The following RNF216 variants were observed in gnomAD, a reference collection of about 807,000 sequenced individuals.
RNF216 encodes the protein ring finger protein 216.
RNF216 carries 72 observed loss-of-function variants against 110.8 expected under a neutral mutation model. The observed-to-expected ratio is 0.65, with a 90% CI of 0.54 to 0.79. The LOEUF (loss-of-function observed/expected upper bound fraction) is 0.79. RNF216 is among the 30% of genes least tolerant of loss of function. RNF216 has a pLI of 0.00. For missense variants in RNF216, 1,342 were observed against 1,141.2 expected (o/e 1.18, Z -2.54); for synonymous variants, 495 against 407.5 (o/e 1.21, Z -2.59).
intron 13 of RNF216, among the ~76,000 whole-genome samples, chr7:5,669,929 T>TC (rs1477874188): frequency 6.6e-6 from 1 of 150,814 alleles, no homozygotes; most frequent in African/African-American, 2.4e-5. Context: ...CGTTTGGAAA[T>TC]CCTTTTTTTT....
At chr7:5,728,180 T>C (rs1260492764) in intron 7 of RNF216, among the ~76,000 whole-genome samples, 3 of 152,114 alleles carry the variant, frequency 2.0e-5, no homozygotes, top group Admixed American at 6.5e-5. Context: ...CCTATGTGGG[T>C]CTGTGATTAA....
chr7:5,724,440 T>A (rs1793628998), intron 8 of RNF216, among the ~76,000 whole-genome samples: 1 of 152,206 alleles, frequency 6.6e-6, no homozygotes, highest in South Asian at 2.1e-4. Flanking sequence ...ACTGTATGGC[T>A]ATGTACAAGG....
rs1345049320 is a variant in RNF216 at position 5,680,292 on chromosome 7, T to G, written c.2062-27782A>C. 6.6e-6 allele frequency: 1 copy of G among 152,286 alleles called. No homozygotes were observed. The highest frequency in any genetic ancestry group is 1.9e-4 in the East Asian group (1 of 5,196). The allele number at this position is 152,286 out of a possible 1,614,324, so 9.4% of individuals were successfully genotyped here. Reference sequence around the variant, plus strand: ...GAAGTGGTTCCTTTGTCCCCCGCCCTGCCCCCAGCTAGCTCTGTCATCATA... The same window carrying G: ...GAAGTGGTTCCTTTGTCCCCCGCCCGGCCCCCAGCTAGCTCTGTCATCATA... On this transcript the variant is annotated intron_variant, in intron 13 of 16. Transcript: ENST00000389902. This position sits in a 1 kb window ranked among gnomAD's most constrained non-coding sequence, Gnocchi z 4.3.
chr7:5,673,204 C>T (rs1562812456), intron 13 of RNF216, among the ~76,000 whole-genome samples: 1 of 152,174 alleles, frequency 6.6e-6, no homozygotes, highest in Non-Finnish European at 1.5e-5. Flanking sequence ...CGGGGGAAGT[C>T]AGTGGTTATT....
chr7:5,747,018 C>T (rs1795062575), intron 3 of RNF216, among the ~76,000 whole-genome samples: 2 of 152,200 alleles, frequency 1.3e-5, no homozygotes, highest in South Asian at 4.1e-4. Flanking sequence ...ACCTCCCACA[C>T]CAAAGACAGA....
chr7:5,708,427 G>C (rs1792440539), intron 13 of RNF216, among the ~76,000 whole-genome samples: 1 of 152,112 alleles, frequency 6.6e-6, no homozygotes, highest in African/African-American at 2.4e-5. Flanking sequence ...TATACAGATG[G>C]TCTCCAACTT....
chr7:5,623,568 G>A (rs1786523933), intron 16 of RNF216, among the ~76,000 whole-genome samples: 1 of 151,946 alleles, frequency 6.6e-6, no homozygotes, highest in Non-Finnish European at 1.5e-5. Flanking sequence ...CCGAGTGCTG[G>A]GATTGCAGAT....
Position 5,655,339 on chromosome 7 carries a change from A to G in RNF216, c.2062-2829T>C, listed in dbSNP as rs188222131. ...AGAACATATCTGAAACGTCTTTTGA[A>G]AAGACTGTAGCACTTTGGGAGGCCG... On this transcript the variant is annotated intron_variant, in intron 13 of 16. Coordinates refer to ENST00000389902, the MANE Select transcript of RNF216 (RefSeq NM_207111.4). Among the ~76,000 whole-genome samples the G allele has an allele frequency of 6.6e-3, 999 of 152,280 alleles. 7 individuals carry two copies. Among genetic ancestry groups the G allele is most frequent in the Non-Finnish European group, 9.1e-3 (620 of 68,022 alleles).
At chr7:5,770,678 T>C (rs1347788952) in intron 1 of RNF216, among the ~76,000 whole-genome samples, 1 of 151,954 alleles carries the variant, frequency 6.6e-6, no homozygotes, top group Non-Finnish European at 1.5e-5. Flanking sequence ...AAAGCATTCA[T>C]GGAGAAAAAC....
intron 6 of RNF216, among the ~76,000 whole-genome samples, chr7:5,729,809 A>G (rs1487418424): frequency 6.6e-6 from 1 of 152,246 alleles, no homozygotes; most frequent in African/African-American, 2.4e-5. Flanking sequence ...TTACTACTAA[A>G]GAAGTATAGT....
chr7:5,761,980 T>C (rs1260127248), intron 1 of RNF216, among the ~76,000 whole-genome samples: 6 of 152,172 alleles, frequency 3.9e-5, no homozygotes, highest in Non-Finnish European at 8.8e-5. Context: ...CTTCCAGGTA[T>C]ATCAGCTAAA....
intron 13 of RNF216, among the ~76,000 whole-genome samples, chr7:5,691,053 C>G (rs1040085580): frequency 1.3e-5 from 2 of 152,216 alleles, no homozygotes; most frequent in African/African-American, 4.8e-5. Context: ...CCAGCTCACA[C>G]AGCCGTGCAA....
Position 5,622,490 on chromosome 7 carries a change from C to G in RNF216, c.*370G>C, listed in dbSNP as rs900650422. The G allele has an allele frequency of 5.2e-6, 1 of 194,032 alleles. No homozygotes were observed. The highest frequency in any genetic ancestry group is 2.3e-5 in the African/African-American group (1 of 43,094). The allele number at this position is 194,032 out of a possible 1,614,324, so 12.0% of individuals were successfully genotyped here. A position where few individuals can be genotyped will look rare whatever the true frequency, so the allele number is the denominator to read the frequency against. On this transcript the variant is annotated 3_prime_UTR_variant, in exon 17 of 17. Coordinates refer to ENST00000389902, the MANE Select transcript of RNF216 (RefSeq NM_207111.4). ...AACCGTGGGCCCCTCCAGGGAGATG[C>G]TCTCGGCTGCCTTGCTACCCAGGGG...
intron 1 of RNF216, among the ~76,000 whole-genome samples, chr7:5,761,399 G>A (rs78589862): frequency 0.045 from 6,857 of 152,210 alleles, 224 homozygotes; most frequent in Non-Finnish European, 0.071. Flanking sequence ...CAAAGAAATG[G>A]GCTAAGGGTA....
chr7:5,710,099 C>G (rs1433417598), intron 13 of RNF216, among the ~76,000 whole-genome samples: 1 of 152,196 alleles, frequency 6.6e-6, no homozygotes, highest in Non-Finnish European at 1.5e-5. Flanking sequence ...GTGGCTTACA[C>G]CTGTAATACC....
At chr7:5,670,412 A>G (rs1246462645) in intron 13 of RNF216, among the ~76,000 whole-genome samples, 1 of 152,178 alleles carries the variant, frequency 6.6e-6, no homozygotes, top group East Asian at 1.9e-4. Flanking sequence ...AAAAGGAGAC[A>G]CCCAGAACTA....
chr7:5,772,565 G>A (rs1203997840), intron 1 of RNF216, among the ~76,000 whole-genome samples: 1 of 152,032 alleles, frequency 6.6e-6, no homozygotes, highest in Non-Finnish European at 1.5e-5. Context: ...GCCTTCCTGG[G>A]AGAAACCACT....
chr7:5,743,763 G>C (rs548639230), intron 3 of RNF216, among the ~76,000 whole-genome samples: 1 of 152,170 alleles, frequency 6.6e-6, no homozygotes, highest in African/African-American at 2.4e-5. Flanking sequence ...AGGAGATGGT[G>C]AATCTCAGGC....
At chr7:5,731,153 A>T (rs1794064103) in intron 5 of RNF216, among the ~76,000 whole-genome samples, 1 of 152,274 alleles carries the variant, frequency 6.6e-6, no homozygotes, top group Non-Finnish European at 1.5e-5. Flanking sequence ...TAAGAAAAGC[A>T]GCTACTCTTT....
Sources: allele counts gnomAD v4.1 joint callset (sites outside exome capture counted in the v4.1 genomes callset), GRCh38; gene constraint gnomAD v4.1.1; non-coding constraint Gnocchi (gnomAD v3.1); transcripts MANE v1.5; gene names NCBI Gene and HGNC (gene_info 2026-07-23, HGNC 2026-07-21).